Variants in ZNF425 observed in about 807,000 individuals in gnomAD.
The protein encoded by ZNF425 is zinc finger protein 425.
In ZNF425, 21 loss-of-function variants were observed where a neutral mutation model predicts 17.0. That is an observed-to-expected ratio of 1.23 (90% CI 0.88 to 1.78). ZNF425 has a LOEUF of 1.78. Among genes scored for constraint, ZNF425 ranks in the 40% most tolerant of loss-of-function variants. ZNF425 has a pLI of 0.00. For synonymous variants in ZNF425, 433 were observed against 384.1 expected (o/e 1.13, Z -1.49); for missense variants, 868 against 967.3 (o/e 0.90, Z 1.36).
chr7:149,104,606 CT>C lies in ZNF425; in HGVS notation c.1264del (p.Ser422ValfsTer8). On this transcript the variant is annotated frameshift_variant, in exon 4 of 4. Coordinates refer to ENST00000378061, the MANE Select transcript of ZNF425 (RefSeq NM_001001661.3). LOFTEE classifies it low-confidence loss of function (END_TRUNC). The surrounding 1 kb of genome is among the most constrained non-coding windows in gnomAD (Gnocchi z 4.3). ...KPFSCPECNKSFRLKRSLKAH... is the reference protein window; with the variant it reads ...KPFSCPECNKXFRLKRSLKAH... ...TTTCAGGCTTCTCTTGAGGCGGAAA[CT>C]TTTGTTACACTCGGGACACGAAAAG... The C allele has an allele frequency of 6.2e-7, 1 of 1,614,138 alleles. No individual in the cohort carries two copies. Among genetic ancestry groups the C allele is most frequent in the Non-Finnish European group, 8.5e-7 (1 of 1,180,016 alleles).
In ZNF425 at chr7:149,118,314, A is replaced by G; in HGVS notation, c.53T>C (p.Phe18Ser). ...CAGGATCTCCCACTCTTGTTCCGAA[A>G]AATATAAGGCCACATCATCAAATGT... is the stretch of plus-strand genomic sequence containing the variant. The part of the protein sequence containing the change: ...TVTFDDVALY[F>S]SEQEWEILEK... The change falls in exon 2 of 4, where the codon TTT (phenylalanine) becomes TCT (serine). Residue 18 changes from phenylalanine (F) to serine (S), a missense_variant. Around this residue, in one of 5 missense-constraint regions of ZNF425, gnomAD observed 179 missense variants for 216.3 expected, o/e 0.83. Coordinates refer to ENST00000378061, the MANE Select transcript of ZNF425 (RefSeq NM_001001661.3). 6.2e-7 allele frequency: 1 copy of G among 1,614,142 alleles called. No homozygotes were observed. Among genetic ancestry groups the G allele is most frequent in the Non-Finnish European group, 8.5e-7 (1 of 1,180,032 alleles).
At chr7:149,105,777 A>T (rs1466210924) in intron 3 of ZNF425, among the ~76,000 whole-genome samples, 1 of 151,566 alleles carries the variant, frequency 6.6e-6, no homozygotes, top group African/African-American at 2.4e-5. Context: ...CAGCCTCCCA[A>T]GTAGCTGGGA....
chr7:149,109,756 T>C (rs547809550), intron 3 of ZNF425, among the ~76,000 whole-genome samples: 1 of 152,270 alleles, frequency 6.6e-6, no homozygotes, highest in Non-Finnish European at 1.5e-5. Flanking sequence ...TATATAAAGT[T>C]TTTGCCCTCG....
intron 2 of ZNF425, among the ~76,000 whole-genome samples, chr7:149,112,569 G>A (rs1042567579): frequency 1.3e-5 from 2 of 152,170 alleles, no homozygotes; most frequent in Non-Finnish European, 2.9e-5. Flanking sequence ...GGAGATGGAG[G>A]TTATAGTGAG....
rs1480986080 is a variant in ZNF425 at position 149,105,202 on chromosome 7, G to A, written c.669C>T (p.Tyr223=). 1.2e-6 allele frequency: 2 copies of A among 1,614,194 alleles called. No homozygotes were observed. The highest frequency in any genetic ancestry group is 2.2e-5 in the South Asian group (2 of 91,084). ...SKSQLCRYPK[Y]KNSSRGKSEL... ...CGGACTTCCCTCTGGACGAGTTTTT[G>A]TACTTTGGGTATCTGCAGAGCTGGC... The change falls in exon 4 of 4, where the codon TAC becomes TAT. Residue 223 remains tyrosine (Y), a synonymous_variant. Coordinates refer to ENST00000378061, the MANE Select transcript of ZNF425 (RefSeq NM_001001661.3).
chr7:149,117,397 C>T (rs1826282823), intron 2 of ZNF425, among the ~76,000 whole-genome samples: 1 of 151,978 alleles, frequency 6.6e-6, no homozygotes, highest in Non-Finnish European at 1.5e-5. Flanking sequence ...GTGTCCCATC[C>T]CACTGCTCTC....
intron 3 of ZNF425, among the ~76,000 whole-genome samples, chr7:149,108,485 A>G (rs1170830629): frequency 1.3e-5 from 2 of 152,184 alleles, no homozygotes; most frequent in Non-Finnish European, 1.5e-5. Flanking sequence ...TGCTTTTACT[A>G]TTTAACCCAG....
chr7:149,118,407 T>C (rs1263483049), intron 1 of ZNF425, 59 bp from the exon 2 acceptor site: 2 of 1,580,774 alleles, frequency 1.3e-6, no homozygotes, highest in East Asian at 2.2e-5. Context: ...TGTTTTTCAA[T>C]GTCCATTACT....
intron 2 of ZNF425, among the ~76,000 whole-genome samples, chr7:149,113,692 C>T (rs1010114841): frequency 2.6e-5 from 4 of 151,702 alleles, no homozygotes; most frequent in African/African-American, 9.7e-5. Flanking sequence ...GCTGGGACTA[C>T]AGGCGCCTGC....
chr7:149,107,693 T>TAGTAGAA (rs1826104558), intron 3 of ZNF425, among the ~76,000 whole-genome samples: 1 of 151,928 alleles, frequency 6.6e-6, no homozygotes, highest in Non-Finnish European at 1.5e-5. Context: ...GAAGACATGA[T>TAGTAGAA]GACAGGAAAT....
Position 149,104,500 on chromosome 7 carries a change from C to T in ZNF425, c.1371G>A (p.Met457Ile). Residue 457 changes from methionine (M) to isoleucine (I), a missense_variant, in exon 4 of 4, where the codon ATG becomes ATA. Around this residue, in one of 5 missense-constraint regions of ZNF425, gnomAD observed 437 missense variants for 444.2 expected, o/e 0.98. Transcript: ENST00000378061. This position sits in a 1 kb window ranked among gnomAD's most constrained non-coding sequence, Gnocchi z 4.3. ...CSRGFFWRNA[M>I]RAHQRLHSEQ... ...CGCTGTGCAGGCGCTGGTGGGCGCG[C>T]ATGGCGTTCCTCCAGAAGAAGCCCC... The T allele has an allele frequency of 6.3e-7, 1 of 1,597,406 alleles. No individual in the cohort carries two copies. Among genetic ancestry groups the T allele is most frequent in the South Asian group, 1.1e-5 (1 of 88,490 alleles).
In ZNF425 at chr7:149,108,998, T is replaced by C. The variant is rs943364738; in HGVS notation, c.304+3139A>G. ...CGTCGTCTAACACCAATTTATGTTT[T>C]TCCTCCCATGTCCCACTATGTCCCA... On this transcript the variant is annotated intron_variant, in intron 3 of 3. Transcript: ENST00000378061. Among the ~76,000 whole-genome samples the C allele has an allele frequency of 3.5e-5, 4 of 115,126 alleles. No homozygotes were observed. The Admixed American group carries it at 4.1e-4, about 12-fold the overall frequency. The allele number at this position is 115,126 out of a possible 152,430, so 75.5% of individuals were successfully genotyped here.
intron 3 of ZNF425, among the ~76,000 whole-genome samples, chr7:149,111,356 C>T (rs192800531): frequency 7.9e-5 from 12 of 151,378 alleles, no homozygotes; most frequent in Admixed American, 2.0e-4. Flanking sequence ...CTTTGGGAGG[C>T]CGAGTTGGAT....
chr7:149,104,492 T>C lies in ZNF425; in HGVS notation c.1379A>G (p.His460Arg), dbSNP rs533478497. The change falls in exon 4 of 4, where the codon CAC (histidine) becomes CGC (arginine). Residue 460 changes from histidine (H) to arginine (R), a missense_variant. His to Arg is a conservative substitution (Grantham distance 29). This residue lies in a region of ZNF425 where 437 missense variants were observed against 444.2 expected (regional missense o/e 0.98). Transcript: ENST00000378061. The surrounding 1 kb of genome is among the most constrained non-coding windows in gnomAD (Gnocchi z 4.3). Reference sequence around the variant, plus strand: ...CTTTTGCTCGCTGTGCAGGCGCTGGTGGGCGCGCATGGCGTTCCTCCAGAA... The same window carrying C: ...CTTTTGCTCGCTGTGCAGGCGCTGGCGGGCGCGCATGGCGTTCCTCCAGAA... ...GFFWRNAMRA[H>R]QRLHSEQKPF... The C allele has an allele frequency of 2.5e-6, 4 of 1,596,524 alleles. No individual in the cohort carries two copies. Among genetic ancestry groups the C allele is most frequent in the East Asian group, 2.2e-5 (1 of 44,772 alleles).
intron 1 of ZNF425, among the ~76,000 whole-genome samples, chr7:149,119,029 T>G (rs1263900381): frequency 6.6e-6 from 1 of 152,024 alleles, no homozygotes; most frequent in Admixed American, 6.6e-5. Context: ...AAGGCTTCCA[T>G]GTAAGTGTGC....
At chr7:149,118,946 A>T (rs1329407836) in intron 1 of ZNF425, among the ~76,000 whole-genome samples, 1 of 152,138 alleles carries the variant, frequency 6.6e-6, no homozygotes, top group Non-Finnish European at 1.5e-5. Context: ...GTATTGCTGG[A>T]TGTGTCAGTT....
In ZNF425 at chr7:149,104,250, G is replaced by GA. The variant is rs776109018; in HGVS notation, c.1620dup (p.Leu541SerfsTer46). 4.3e-6 allele frequency: 7 copies of GA among 1,613,730 alleles called. No homozygotes were observed. The Admixed American group carries it at 1.2e-4, about 27-fold the overall frequency. ...CTGTGAAGCCTCGTGTGCTCTGTGA[G>GA]ATGCGCGCGTCGGCGGAAACTGCGG... On this transcript the variant is annotated frameshift_variant, in exon 4 of 4. Coordinates refer to ENST00000378061, the MANE Select transcript of ZNF425 (RefSeq NM_001001661.3). LOFTEE classifies it low-confidence loss of function (END_TRUNC). This position sits in a 1 kb window ranked among gnomAD's most constrained non-coding sequence, Gnocchi z 4.3.
At position 149,123,079 on chromosome 7, in the gene ZNF425, T is replaced by G. The variant is rs141254798; in HGVS notation, c.18+3117A>C. Reference sequence around the variant, plus strand: ...ATGTTGGCAACTAAAATTCCCAATTTTAACAGGGGTGTTTCAAACAAAATG... The same window carrying G: ...ATGTTGGCAACTAAAATTCCCAATTGTAACAGGGGTGTTTCAAACAAAATG... On this transcript the variant is annotated intron_variant, in intron 1 of 3. Coordinates refer to ENST00000378061, the MANE Select transcript of ZNF425 (RefSeq NM_001001661.3). Among the ~76,000 whole-genome samples, 607 of 152,294 alleles carry G rather than the reference T, an allele frequency of 4.0e-3. 2 individuals carry two copies. The highest frequency in any genetic ancestry group is 7.0e-3 in the Non-Finnish European group (476 of 68,022).
intron 1 of ZNF425, among the ~76,000 whole-genome samples, chr7:149,121,875 A>G (rs1309246954): frequency 6.6e-6 from 1 of 151,930 alleles, no homozygotes; most frequent in African/African-American, 2.4e-5. Context: ...TCCCATGAAA[A>G]TATTCTCTTT....
Sources: allele counts gnomAD v4.1 joint callset (sites outside exome capture counted in the v4.1 genomes callset), GRCh38; gene constraint gnomAD v4.1.1; regional missense constraint gnomAD v4.1.1; non-coding constraint Gnocchi (gnomAD v3.1); transcripts MANE v1.5; gene names NCBI Gene and HGNC (gene_info 2026-07-23, HGNC 2026-07-21).